TPSD1: variants seen among roughly 807,000 people sequenced by gnomAD.
The protein encoded by TPSD1 is tryptase delta.
A neutral mutation model predicts 25.4 loss-of-function variants in TPSD1; 30 were observed. That is an observed-to-expected ratio of 1.18 (90% CI 0.88 to 1.60). TPSD1 has a LOEUF of 1.60. TPSD1 is among the 40% of genes most tolerant of loss of function. The probability of loss-of-function intolerance (pLI) is 0.00; values close to 1 mark genes in which losing one functional copy is unlikely to be tolerated. For missense variants in TPSD1, 420 were observed against 324.2 expected (o/e 1.30, Z -2.27); for synonymous variants, 176 against 149.4 (o/e 1.18, Z -1.30).
rs777325930 is a variant in TPSD1 at position 1,258,392 on chromosome 16, G to A, written c.*16G>A. The A allele has an allele frequency of 6.2e-7, 1 of 1,613,774 alleles. No homozygotes were observed. Among genetic ancestry groups the A allele is most frequent in the South Asian group, 1.1e-5 (1 of 91,084 alleles). ...TGGCACCTAACTGCAGGCGGGCGTG[G>A]TCAGCTGGGAGGAGAGCTGTGCCCA... On this transcript the variant is annotated 3_prime_UTR_variant, in exon 5 of 5. Transcript: ENST00000211076.
chr16:1,258,185 T>C lies in TPSD1; in HGVS notation c.647T>C (p.Met216Thr). 2 of 1,612,938 alleles carry C rather than the reference T, an allele frequency of 1.2e-6. No individual in the cohort carries two copies. The highest frequency in any genetic ancestry group is 1.7e-6 in the Non-Finnish European group (2 of 1,179,886). ...GHSFQIVRDD[M>T]LCAGSENHDS... Reference sequence around the variant, plus strand: ...AGCTTTCAAATCGTCCGCGATGACATGCTGTGTGCGGGGAGCGAAAATCAC... The same window carrying C: ...AGCTTTCAAATCGTCCGCGATGACACGCTGTGTGCGGGGAGCGAAAATCAC... The change falls in exon 4 of 5, where the codon ATG (methionine) becomes ACG (threonine). Residue 216 changes from methionine to threonine, a missense_variant. Physicochemically the swap from Met to Thr is moderately conservative, Grantham distance 81. Transcript: ENST00000211076.
intron 4 of TPSD1, 26 bp downstream of exon 4, chr16:1,258,248 A>G: frequency 1.2e-6 from 2 of 1,609,858 alleles, no homozygotes; most frequent in South Asian, 1.1e-5. Context: ...CCCCACCCCA[A>G]TCCCCGGAGC....
At chr16:1,257,688 T>G (rs2031004765) in intron 3 of TPSD1, among the ~76,000 whole-genome samples, 1 of 149,454 alleles carries the variant, frequency 6.7e-6, no homozygotes, top group African/African-American at 2.6e-5. Context: ...GCGGGGAAGC[T>G]GAGCCCAGCG....
intron 3 of TPSD1, 55 bp from the exon 4 acceptor site, chr16:1,258,004 C>T (rs1216971094): frequency 5.1e-5 from 78 of 1,531,694 alleles, no homozygotes; most frequent in Admixed American, 4.5e-4. Context: ...ACCAAGTCCA[C>T]GAAGCAGCAC....
chr16:1,256,270 C>T lies in TPSD1; in HGVS notation c.-11C>T. ...CCCAGCCCTGCCCTGTGAGGCCCGGCCAGGCCCACGATGCTCCTCCTTGCT... is the reference window on the plus strand; with the variant it reads ...CCCAGCCCTGCCCTGTGAGGCCCGGTCAGGCCCACGATGCTCCTCCTTGCT... On this transcript the variant is annotated 5_prime_UTR_variant, in exon 1 of 5. Transcript: ENST00000211076. 1 of 1,613,360 alleles carries T rather than the reference C, an allele frequency of 6.2e-7. No homozygotes were observed. Among genetic ancestry groups the T allele is most frequent in the Non-Finnish European group, 8.5e-7 (1 of 1,179,700 alleles).
Position 1,258,303 on chromosome 16 carries a change from C to T in TPSD1, c.685-29C>T. ...CTCATCCTGACCCCCGAAGCCTGGC[C>T]AGCGAGCACTGACCTCTGACCTTCC... On this transcript the variant is annotated intron_variant, in intron 4 of 4. Transcript: ENST00000211076. 3 of 1,612,414 alleles carry T rather than the reference C, an allele frequency of 1.9e-6. No homozygotes were observed. The South Asian group carries it at 3.3e-5, about 18-fold the overall frequency.
Position 1,258,595 on chromosome 16 carries a change from T to G in TPSD1, c.*219T>G. ...CAGGTGGTGACTGCCCCCCACACCT[T>G]CCCCCATCCTGAGTCCCCTCTCCCA... On this transcript the variant is annotated 3_prime_UTR_variant, in exon 5 of 5. Coordinates refer to ENST00000211076, the MANE Select transcript of TPSD1 (RefSeq NM_012217.3). The G allele has an allele frequency of 7.5e-7, 1 of 1,328,814 alleles. No individual in the cohort carries two copies. Among genetic ancestry groups the G allele is most frequent in the Non-Finnish European group, 1.0e-6 (1 of 993,058 alleles). The allele number at this position is 1,328,814 out of a possible 1,614,324, so 82.3% of individuals were successfully genotyped here.
Position 1,257,387 on chromosome 16 carries a change from G to A in TPSD1, c.520+325G>A, listed in dbSNP as rs1438114623. 3 of 435,284 alleles carry A rather than the reference G, an allele frequency of 6.9e-6. No homozygotes were observed. In the Admixed American group the frequency reaches 1.1e-4, roughly 16 times the overall value. 27.0% of individuals were successfully genotyped at this position (435,284 alleles called of 1,614,324 possible). ...GAGAGAGAAATCACACGGGGGTCTT[G>A]CTGGAAGGAGAGAGACCGGTGCTGG... On this transcript the variant is annotated intron_variant, in intron 3 of 4. Coordinates refer to ENST00000211076, the MANE Select transcript of TPSD1 (RefSeq NM_012217.3).
chr16:1,256,485 C>G (rs746567818), intron 1 of TPSD1, 31 bp from the exon 2 acceptor site: 1 of 1,606,130 alleles, frequency 6.2e-7, no homozygotes, highest in South Asian at 1.1e-5. Context: ...CGTGGGGCGG[C>G]TTCTTGGTCC....
intron 3 of TPSD1, 101 bp from the exon 4 acceptor site, chr16:1,257,958 G>A (rs2141449204): frequency 2.3e-6 from 3 of 1,286,898 alleles, no homozygotes; most frequent in East Asian, 2.5e-5. Context: ...ACAGCACTGG[G>A]CCCATGGTGC....
At chr16:1,256,733 G>T in intron 2 of TPSD1, 46 bp downstream of exon 2, 1 of 1,611,850 alleles carries the variant, frequency 6.2e-7, no homozygotes, top group African/African-American at 1.3e-5. Context: ...CTGGATGTGA[G>T]CCCTGGCTCC....
rs1342462087 is a variant in TPSD1 at position 1,256,848 on chromosome 16, C to T, written c.306C>T (p.Leu102=). The change falls in exon 3 of 5, where the codon CTC becomes CTT. Residue 102 remains leucine, a synonymous_variant. Coordinates refer to ENST00000211076, the MANE Select transcript of TPSD1 (RefSeq NM_012217.3). The part of the protein sequence containing the change: ...ALRVQLREQH[L]YYQDQLLPVS... ...GGGTGCAACTGCGGGAGCAGCACCT[C>T]TACTACCAGGACCAGCTGCTGCCGG... 6.2e-7 allele frequency: 1 copy of T among 1,613,310 alleles called. No individual in the cohort carries two copies. Among genetic ancestry groups the T allele is most frequent in the Non-Finnish European group, 8.5e-7 (1 of 1,180,000 alleles).
rs113045458 is a variant in TPSD1, at chr16:1,258,153, G to C, written c.615G>C (p.Thr205=). 5.6e-6 allele frequency: 9 copies of C among 1,612,250 alleles called. No individual in the cohort carries two copies. In the Middle Eastern group the frequency reaches 4.9e-4, roughly 88 times the overall value. ...CNAEYHTGLH[T]GHSFQIVRDD... ...CGGAATATCACACCGGCCTCCATAC[G>C]GGCCACAGCTTTCAAATCGTCCGCG... Residue 205 remains threonine, a synonymous_variant, in exon 4 of 5, where the codon ACG becomes ACC. Coordinates refer to ENST00000211076, the MANE Select transcript of TPSD1 (RefSeq NM_012217.3).
chr16:1,257,471 G>C (rs963651790), intron 3 of TPSD1: 6 of 274,362 alleles, frequency 2.2e-5, no homozygotes, highest in Middle Eastern at 1.2e-3. Flanking sequence ...CCTGGGAATC[G>C]GGGTCGTGGC....
chr16:1,256,687 C>A lies in TPSD1; in HGVS notation c.254C>A (p.Pro85Gln). The A allele has an allele frequency of 6.2e-7, 1 of 1,611,290 alleles. No individual in the cohort carries two copies. Among genetic ancestry groups the A allele is most frequent in the Non-Finnish European group, 8.5e-7 (1 of 1,178,814 alleles). Residue 85 changes from proline (P) to glutamine (Q), a missense_variant and splice_region_variant, in exon 2 of 5, where the codon CCG (proline) becomes CAG (glutamine). Coordinates refer to ENST00000211076, the MANE Select transcript of TPSD1 (RefSeq NM_012217.3). ...CTAACCGCGGCGCACTGCGTGGAACCGTGAGTCTCCTGGGGCCTGGAGGGG... is the reference window on the plus strand; with the variant it reads ...CTAACCGCGGCGCACTGCGTGGAACAGTGAGTCTCCTGGGGCCTGGAGGGG... ...WVLTAAHCVE[P>Q]DIKDLAALRV...
At position 1,258,145 on chromosome 16, in the gene TPSD1, C is replaced by T; in HGVS notation, c.607C>T (p.Leu203Phe). The T allele has an allele frequency of 6.2e-7, 1 of 1,612,208 alleles. No homozygotes were observed. The highest frequency in any genetic ancestry group is 1.1e-5 in the South Asian group (1 of 90,846). Residue 203 changes from leucine (L) to phenylalanine (F), a missense_variant, in exon 4 of 5, where the codon CTC becomes TTC. By Grantham distance (22) the Leu-to-Phe change is conservative (BLOSUM62 0). Coordinates refer to ENST00000211076, the MANE Select transcript of TPSD1 (RefSeq NM_012217.3). ...TTGCAACGCGGAATATCACACCGGC[C>T]TCCATACGGGCCACAGCTTTCAAAT... The part of the protein sequence containing the change: ...HLCNAEYHTG[L>F]HTGHSFQIVR...
intron 3 of TPSD1, among the ~76,000 whole-genome samples, chr16:1,257,761 C>A (rs1392581025): frequency 6.6e-6 from 1 of 152,192 alleles, no homozygotes; most frequent in Non-Finnish European, 1.5e-5. Context: ...CGAAAGTCAG[C>A]TGAGCCCAGG....
intron 1 of TPSD1, 51 bp downstream of exon 1, chr16:1,256,413 G>C (rs935687172): frequency 1.2e-6 from 2 of 1,610,980 alleles, no homozygotes; most frequent in Non-Finnish European, 1.7e-6. Context: ...CCACAGATCA[G>C]GGCCTGGGTG....
Position 1,256,363 on chromosome 16 carries a change from G to C in TPSD1, c.82+1G>C. ...GCGAGCCCGGCCTACGTGGCCCCTGGTGAGTCCCAGCCGGGGTCCACCCTG... is the reference window on the plus strand; with the variant it reads ...GCGAGCCCGGCCTACGTGGCCCCTGCTGAGTCCCAGCCGGGGTCCACCCTG... On this transcript the variant is annotated splice_donor_variant, in intron 1 of 4. Transcript: ENST00000211076. LOFTEE classifies it high-confidence loss of function. 1 of 1,612,884 alleles carries C rather than the reference G, an allele frequency of 6.2e-7. No homozygotes were observed. The highest frequency in any genetic ancestry group is 8.5e-7 in the Non-Finnish European group (1 of 1,179,654).
Sources: gnomAD v4.1 joint callset for allele counts (sites outside exome capture counted in the v4.1 genomes callset) on GRCh38, gnomAD v4.1.1 for gene constraint, MANE v1.5 for transcripts, NCBI Gene and HGNC (gene_info 2026-07-23, HGNC 2026-07-21) for gene names.